Variants in USP3 observed in about 807,000 individuals in gnomAD.
The protein encoded by USP3 is ubiquitin specific peptidase 3, also known as ubiquitin carboxyl-terminal hydrolase 3.
In USP3, 20 loss-of-function variants were observed where a neutral mutation model predicts 72.3. The ratio of observed to expected loss-of-function variants is 0.28; its 90% CI spans 0.19 to 0.40. The LOEUF (loss-of-function observed/expected upper bound fraction) is 0.40. USP3 is among the 10% of genes least tolerant of loss of function. The pLI is 1.00. For synonymous variants in USP3, 222 were observed against 225.3 expected (o/e 0.99, Z 0.13); for missense variants, 479 against 633.9 (o/e 0.76, Z 2.62).
At position 63,537,039 on chromosome 15, in the gene USP3, A is replaced by G. The variant is rs2066168393; in HGVS notation, c.167A>G (p.His56Arg). ...SVHCGRYVNG[H>R]AKKHYEDAQV... ...GTTTTTGTAAGGTATGTGAATGGCC[A>G]TGCAAAAAAACATTATGAAGATGCA... Residue 56 changes from histidine (H) to arginine (R), a missense_variant, in exon 3 of 15, where the codon CAT becomes CGT. By Grantham distance (29) the His-to-Arg change is conservative (BLOSUM62 0). Transcript: ENST00000380324. 6.2e-7 allele frequency: 1 copy of G among 1,613,512 alleles called. No homozygotes were observed. The highest frequency in any genetic ancestry group is 8.5e-7 in the Non-Finnish European group (1 of 1,179,788).
At chr15:63,563,520 G>A (rs1368711607) in intron 8 of USP3, among the ~76,000 whole-genome samples, 1 of 152,158 alleles carries the variant, frequency 6.6e-6, no homozygotes, top group East Asian at 1.9e-4. Context: ...CTGCTGTGGT[G>A]CCCATGCTTT....
In USP3 at chr15:63,580,655, TATATA is replaced by T. The variant is rs1429288490; in HGVS notation, c.1096+6258_1096+6262del. Among the ~76,000 whole-genome samples, 631 of 63,254 alleles carry T rather than the reference TATATA, an allele frequency of 1.0e-2. 63 individuals are homozygous for T. Among genetic ancestry groups the T allele is most frequent in the African/African-American group, 0.043 (602 of 14,122 alleles). 41.5% of individuals were successfully genotyped at this position (63,254 alleles called of 152,430 possible). A position where few individuals can be genotyped will look rare whatever the true frequency, so the allele number is the denominator to read the frequency against. On this transcript the variant is annotated intron_variant, in intron 11 of 14. Coordinates refer to ENST00000380324, the MANE Select transcript of USP3 (RefSeq NM_006537.4). ...AGAAAGTGGTGCATATATATATGAA[TATATA>T]ATATATATATGAATATATAATATAT...
At chr15:63,532,545 C>A in intron 1 of USP3, 102 bp from the exon 2 acceptor site, 1 of 1,389,838 alleles carries the variant, frequency 7.2e-7, no homozygotes, top group Non-Finnish European at 1.0e-6. Flanking sequence ...CTTCAGCATT[C>A]CTACATAGCC....
chr15:63,533,917 A>G, intron 2 of USP3: 1 of 1,135,182 alleles, frequency 8.8e-7, no homozygotes, highest in South Asian at 1.8e-5. Flanking sequence ...AGATTTTGAG[A>G]GGTGAGAATT....
At chr15:63,587,560 A>G (rs1479641604) in intron 11 of USP3, 1 of 152,252 alleles carries the variant, frequency 6.6e-6, no homozygotes, top group Non-Finnish European at 1.5e-5. Flanking sequence ...GTTGCTTCAC[A>G]TAAGGTCACA....
intron 2 of USP3, 97 bp from the exon 3 acceptor site, chr15:63,536,928 C>G: frequency 7.7e-7 from 1 of 1,297,248 alleles, no homozygotes; most frequent in Non-Finnish European, 1.0e-6. Context: ...TATAGGATTT[C>G]TTTATTTTGA....
intron 8 of USP3, among the ~76,000 whole-genome samples, chr15:63,569,308 A>G (rs1449787700): frequency 6.6e-6 from 1 of 152,212 alleles, no homozygotes; most frequent in Non-Finnish European, 1.5e-5. Context: ...ACTTGAACAC[A>G]TATATTGATA....
chr15:63,581,345 TTGTGTGTGTGTGTG>T (rs59188081), intron 11 of USP3, among the ~76,000 whole-genome samples: 6,195 of 130,094 alleles, frequency 0.048, 212 homozygotes, highest in South Asian at 0.15. Context: ...GTGTTGGTTT[TTGTGTGTGTGTGTG>T]TGTGTGTGTG....
In USP3 at chr15:63,513,938, C is replaced by A. The variant is rs1351137881; in HGVS notation, c.91+9108C>A. 5.9e-5 allele frequency among the ~76,000 whole-genome samples: 9 copies of A among 152,166 alleles called. No homozygotes were observed. The South Asian group carries it at 1.0e-3, about 18-fold the overall frequency. On this transcript the variant is annotated intron_variant, in intron 1 of 14. Transcript: ENST00000380324. ...ACAATGGTACAAATTGCTGGTTGAG[C>A]AAATTTTAATTTTAGTTGCACACAG...
intron 1 of USP3, among the ~76,000 whole-genome samples, chr15:63,510,865 T>C (rs1037122502): frequency 2.6e-5 from 4 of 152,196 alleles, no homozygotes; most frequent in African/African-American, 4.8e-5. Flanking sequence ...ATAGGTGTCC[T>C]TGAGACTGAA....
chr15:63,512,251 TA>T (rs2065793454), intron 1 of USP3, among the ~76,000 whole-genome samples: 1 of 151,828 alleles, frequency 6.6e-6, no homozygotes, highest in Non-Finnish European at 1.5e-5. Context: ...CTGCAGATCT[TA>T]AAACAGATTT....
In USP3 at chr15:63,532,603, T is replaced by C. The variant is rs764025270; in HGVS notation, c.92-44T>C. 15 of 1,606,006 alleles carry C rather than the reference T, an allele frequency of 9.3e-6. No individual in the cohort carries two copies. In the South Asian group the frequency reaches 1.5e-4, roughly 16 times the overall value. On this transcript the variant is annotated intron_variant, in intron 1 of 14. Coordinates refer to ENST00000380324, the MANE Select transcript of USP3 (RefSeq NM_006537.4). Reference sequence around the variant, plus strand: ...AGGAAAATGGGGAGAAATTGGGAAATAACATGATGCAATTGGTATATTGTG... The same window carrying C: ...AGGAAAATGGGGAGAAATTGGGAAACAACATGATGCAATTGGTATATTGTG...
At chr15:63,552,779 T>C (rs1369626120) in intron 3 of USP3, among the ~76,000 whole-genome samples, 1 of 152,214 alleles carries the variant, frequency 6.6e-6, no homozygotes, top group Non-Finnish European at 1.5e-5. Context: ...AGATATGTTT[T>C]TGGAATCTGC....
intron 11 of USP3, among the ~76,000 whole-genome samples, chr15:63,576,847 A>T (rs567574804): frequency 9.2e-5 from 14 of 152,314 alleles, no homozygotes; most frequent in African/African-American, 3.4e-4. Flanking sequence ...GACCACCCTT[A>T]TCATTAAGGG....
At position 63,574,026 on chromosome 15, in the gene USP3, T is replaced by C. The variant is rs199928886; in HGVS notation, c.909-20T>C. The C allele has an allele frequency of 4.9e-5, 75 of 1,516,562 alleles. No individual in the cohort carries two copies. In the East Asian group the frequency reaches 1.6e-3, roughly 32 times the overall value. 93.9% of individuals were successfully genotyped at this position (1,516,562 alleles called of 1,614,324 possible). A position where few individuals can be genotyped will look rare whatever the true frequency, so the allele number is the denominator to read the frequency against. On this transcript the variant is annotated intron_variant, in intron 9 of 14. Transcript: ENST00000380324. This position sits in a 1 kb window ranked among gnomAD's most constrained non-coding sequence, Gnocchi z 4.6. ...ATGGCTTCTTACTGAGATATTTTCC[T>C]GTGTGGTGATTTTGTTTAGAAATGG...
Position 63,588,271 on chromosome 15 carries a change from C to G in USP3, c.1097-34C>G, listed in dbSNP as rs2067116000. 5 of 1,533,096 alleles carry G rather than the reference C, an allele frequency of 3.3e-6. No homozygotes were observed. The highest frequency in any genetic ancestry group is 4.4e-6 in the Non-Finnish European group (5 of 1,132,904). 95.0% of individuals were successfully genotyped at this position (1,533,096 alleles called of 1,614,324 possible). A position where few individuals can be genotyped will look rare whatever the true frequency, so the allele number is the denominator to read the frequency against. ...AGTACATTGCCTCTACAAAAGGCATCTTGTTTTAATGCTGCCAAAATCAAT... is the reference window on the plus strand; with the variant it reads ...AGTACATTGCCTCTACAAAAGGCATGTTGTTTTAATGCTGCCAAAATCAAT... On this transcript the variant is annotated intron_variant, in intron 11 of 14. Coordinates refer to ENST00000380324, the MANE Select transcript of USP3 (RefSeq NM_006537.4). The surrounding 1 kb of genome is among the most constrained non-coding windows in gnomAD (Gnocchi z 4.6).
At position 63,574,119 on chromosome 15, in the gene USP3, G is replaced by C. The variant is rs770512126; in HGVS notation, c.982G>C (p.Gly328Arg). The C allele has an allele frequency of 2.5e-6, 4 of 1,594,134 alleles. No individual in the cohort carries two copies. Among genetic ancestry groups the C allele is most frequent in the Non-Finnish European group, 3.4e-6 (4 of 1,169,188 alleles). ...AAATGAGGTTAACTGCCTCATATGTGGGACAGAATCTAGAAAGTTTGATCC... is the reference window on the plus strand; with the variant it reads ...AAATGAGGTTAACTGCCTCATATGTCGGACAGAATCTAGAAAGTTTGATCC... ...LQNEVNCLIC[G>R]TESRKFDPFL... Residue 328 changes from glycine to arginine, a missense_variant, in exon 10 of 15, where the codon GGG (glycine) becomes CGG (arginine). Gly to Arg is a moderately radical substitution (Grantham distance 125). Transcript: ENST00000380324. The surrounding 1 kb of genome is among the most constrained non-coding windows in gnomAD (Gnocchi z 4.6).
At chr15:63,541,642 C>T (rs1227126923) in intron 3 of USP3, among the ~76,000 whole-genome samples, 2 of 152,092 alleles carry the variant, frequency 1.3e-5, no homozygotes, top group Non-Finnish European at 2.9e-5. Flanking sequence ...TATTTGATGG[C>T]AATACATCAG....
chr15:63,577,520 G>T (rs2066882539), intron 11 of USP3, among the ~76,000 whole-genome samples: 1 of 152,212 alleles, frequency 6.6e-6, no homozygotes, highest in Admixed American at 6.5e-5. Context: ...ACTGTGGGAG[G>T]CCAAGGCAGG....
Sources: gnomAD v4.1 joint callset for allele counts (sites outside exome capture counted in the v4.1 genomes callset) on GRCh38, gnomAD v4.1.1 for gene constraint, Gnocchi (gnomAD v3.1) non-coding constraint, MANE v1.5 for transcripts, NCBI Gene and HGNC (gene_info 2026-07-23, HGNC 2026-07-21) for gene names.